ZNF133: variants seen among roughly 807,000 people sequenced by gnomAD.
ZNF133 encodes the protein zinc finger protein 133 (clone pHZ-13).
In ZNF133, 26 loss-of-function variants were observed where a neutral mutation model predicts 54.9. The ratio of observed to expected loss-of-function variants is 0.47; its 90% CI spans 0.35 to 0.66. The LOEUF is 0.66. Ranked by LOEUF, ZNF133 falls within the 30% of genes least tolerant of loss-of-function variation. ZNF133 has a pLI of 0.01. For synonymous variants in ZNF133, 298 were observed against 320.3 expected (o/e 0.93, Z 0.74); for missense variants, 653 against 820.8 (o/e 0.80, Z 2.50).
rs115225852 is a variant in ZNF133, at chr20:18,308,865, A to T, written c.217+2472A>T. Among the ~76,000 whole-genome samples the T allele has an allele frequency of 1.8e-3, 269 of 152,332 alleles. 1 individual carries two copies. The highest frequency in any genetic ancestry group is 6.3e-3 in the African/African-American group (264 of 41,576). On this transcript the variant is annotated intron_variant, in intron 6 of 6. Coordinates refer to ENST00000425686, the MANE Select transcript of ZNF133 (RefSeq NM_001352452.2). Reference sequence around the variant, plus strand: ...TTTACTACAGCAATAGGAAAGAAGGAAGGTCAGGGCAAAGGAAGTAAAGCA... The same window carrying T: ...TTTACTACAGCAATAGGAAAGAAGGTAGGTCAGGGCAAAGGAAGTAAAGCA...
rs535194806 is a variant in ZNF133 at position 18,306,530 on chromosome 20, C to T, written c.217+137C>T. The T allele has an allele frequency of 1.4e-4, 132 of 945,054 alleles. 1 individual carries two copies. The Middle Eastern group carries it at 2.7e-3, about 19-fold the overall frequency. The allele number at this position is 945,054 out of a possible 1,614,324, so 58.5% of individuals were successfully genotyped here. A position where few individuals can be genotyped will look rare whatever the true frequency, so the allele number is the denominator to read the frequency against. The stretch of plus-strand genomic sequence containing the variant: ...GGGCTGCTGTTTAGATTGCCTGACA[C>T]GGCCTCCCTTCCAGATCTCCATCTT... On this transcript the variant is annotated intron_variant, in intron 6 of 6. Coordinates refer to ENST00000425686, the MANE Select transcript of ZNF133 (RefSeq NM_001352452.2).
intron 3 of ZNF133, 133 bp from the exon 4 acceptor site, chr20:18,304,875 T>A: frequency 1.8e-6 from 1 of 556,440 alleles, no homozygotes; most frequent in Non-Finnish European, 2.3e-6. Context: ...TTGCTCATAA[T>A]GTCCTTGTCC....
chr20:18,302,659 T>C (rs191896655), intron 3 of ZNF133, among the ~76,000 whole-genome samples: 64 of 152,300 alleles, frequency 4.2e-4, no homozygotes, highest in African/African-American at 1.4e-3. Flanking sequence ...TTGCCACTTA[T>C]AGCCAACAGA....
chr20:18,306,145 C>G (rs2044534352), intron 5 of ZNF133, 153 bp from the exon 6 acceptor site: 1 of 673,922 alleles, frequency 1.5e-6, no homozygotes, highest in Non-Finnish European at 2.5e-6. Context: ...GTTCACTGCC[C>G]ACTCATCCCT....
chr20:18,311,672 G>A (rs946873677), intron 6 of ZNF133, among the ~76,000 whole-genome samples: 4 of 152,050 alleles, frequency 2.6e-5, no homozygotes, highest in African/African-American at 7.2e-5. Flanking sequence ...GTATAGTTTT[G>A]TTTTTGAATT....
At position 18,305,828 on chromosome 20, in the gene ZNF133, G is replaced by T; in HGVS notation, c.121+21G>T. 4 of 1,590,964 alleles carry T rather than the reference G, an allele frequency of 2.5e-6. No homozygotes were observed. The highest frequency in any genetic ancestry group is 2.3e-5 in the South Asian group (2 of 88,172). On this transcript the variant is annotated intron_variant, in intron 5 of 6. Coordinates refer to ENST00000425686, the MANE Select transcript of ZNF133 (RefSeq NM_001352452.2). The surrounding 1 kb of genome is among the most constrained non-coding windows in gnomAD (Gnocchi z 4.7). The stretch of plus-strand genomic sequence containing the variant: ...ACTGGGTAAGCCTGATATCTGTTAG[G>T]ATTCCCATTCTTATTGCTGGGAATT...
Position 18,315,730 on chromosome 20 carries a change from C to T in ZNF133, c.879C>T (p.Ser293=), listed in dbSNP as rs139345328. The T allele has an allele frequency of 3.4e-5, 55 of 1,613,678 alleles. No individual in the cohort carries two copies. In the Middle Eastern group the frequency reaches 9.9e-4, roughly 29 times the overall value. Reference sequence around the variant, plus strand: ...TAATCATACACGAACGGACACACTCCGGTGAGAAACCTTACATGTGCAGTG... The same window carrying T: ...TAATCATACACGAACGGACACACTCTGGTGAGAAACCTTACATGTGCAGTG... ...STLIIHERTH[S]GEKPYMCSEC... is the part of the protein sequence containing the mutation. The change falls in exon 7 of 7, where the codon TCC becomes TCT. Residue 293 remains serine, a synonymous_variant. Transcript: ENST00000425686.
Position 18,294,702 on chromosome 20 carries a change from G to A in ZNF133, c.-431-3283G>A, listed in dbSNP as rs570983924. 1.3e-3 allele frequency among the ~76,000 whole-genome samples: 191 copies of A among 152,276 alleles called. 5 individuals are homozygous for A. The South Asian group carries it at 0.039, about 31-fold the overall frequency. ...AGAAGGGGTGTTGAGTTTTGGTAAA[G>A]AGTATCTTACATGTAGAGAGGCAAT... On this transcript the variant is annotated intron_variant, in intron 1 of 6. Transcript: ENST00000425686.
In ZNF133 at chr20:18,288,716, CGG is replaced by C. The variant is rs1600289109; in HGVS notation, c.-432+116_-432+117del. ...GAATTTGGGGACCGTGCGGGTGGCG[CGG>C]GGGTGGTGATTGTGGTGGGAACGCG... On this transcript the variant is annotated intron_variant, in intron 1 of 6. Transcript: ENST00000425686. 14 of 398,172 alleles carry C rather than the reference CGG, an allele frequency of 3.5e-5. No homozygotes were observed. The East Asian group carries it at 5.0e-4, about 14-fold the overall frequency. 24.7% of individuals were successfully genotyped at this position (398,172 alleles called of 1,614,324 possible).
intron 1 of ZNF133, among the ~76,000 whole-genome samples, chr20:18,295,966 T>C (rs2042153363): frequency 6.6e-6 from 1 of 152,230 alleles, no homozygotes; most frequent in Admixed American, 6.5e-5. Context: ...TGTATATACG[T>C]AGTGTTTTTT....
At chr20:18,288,718 G>T in intron 1 of ZNF133, 114 bp downstream of exon 1, 1 of 398,228 alleles carries the variant, frequency 2.5e-6, no homozygotes, top group East Asian at 3.6e-5. Flanking sequence ...GGGTGGCGCG[G>T]GGGTGGTGAT....
intron 3 of ZNF133, among the ~76,000 whole-genome samples, chr20:18,300,971 C>T (rs898689414): frequency 3.3e-5 from 5 of 151,916 alleles, no homozygotes; most frequent in South Asian, 2.1e-4. Context: ...AGACATATTC[C>T]GAACATTGTA....
chr20:18,308,381 C>G (rs1460822480), intron 6 of ZNF133, among the ~76,000 whole-genome samples: 1 of 152,092 alleles, frequency 6.6e-6, no homozygotes, highest in Non-Finnish European at 1.5e-5. Flanking sequence ...TGCTTGTATC[C>G]TTACTGTTCA....
chr20:18,315,346 G>T lies in ZNF133; in HGVS notation c.495G>T (p.Ala165=). The T allele has an allele frequency of 6.2e-7, 1 of 1,614,110 alleles. No individual in the cohort carries two copies. The highest frequency in any genetic ancestry group is 8.5e-7 in the Non-Finnish European group (1 of 1,180,018). Reference sequence around the variant, plus strand: ...GAACCAAGAAAAGGACTCTGGGAGCGTTCTCCAGGCCACCCCAGAGGCAGC... The same window carrying T: ...GAACCAAGAAAAGGACTCTGGGAGCTTTCTCCAGGCCACCCCAGAGGCAGC... ...FGRTKKRTLG[A]FSRPPQRQPV... is the part of the protein sequence containing the mutation. The change falls in exon 7 of 7, where the codon GCG becomes GCT. Residue 165 remains alanine, a synonymous_variant. Transcript: ENST00000425686.
chr20:18,297,397 A>G (rs955997571), intron 1 of ZNF133, among the ~76,000 whole-genome samples: 3 of 151,492 alleles, frequency 2.0e-5, no homozygotes, highest in Non-Finnish European at 2.9e-5. Context: ...GTCCATTTCT[A>G]TTCTTAGTTT....
chr20:18,316,277 A>T lies in ZNF133; in HGVS notation c.1426A>T (p.Ser476Cys). 6.2e-7 allele frequency: 1 copy of T among 1,612,926 alleles called. No homozygotes were observed. Among genetic ancestry groups the T allele is most frequent in the Non-Finnish European group, 8.5e-7 (1 of 1,179,376 alleles). ...GTGCAAGGACTGTGGCCGGGGCTTCAGCCAGCAATCCAACCTCATCAGACA... is the reference window on the plus strand; with the variant it reads ...GTGCAAGGACTGTGGCCGGGGCTTCTGCCAGCAATCCAACCTCATCAGACA... ...IVCKDCGRGF[S>C]QQSNLIRHQR... Residue 476 changes from serine (S) to cysteine (C), a missense_variant, in exon 7 of 7, where the codon AGC (serine) becomes TGC (cysteine). Around this residue, in one of 4 missense-constraint regions of ZNF133, gnomAD observed 292 missense variants for 431.6 expected, o/e 0.68. Transcript: ENST00000425686.
intron 1 of ZNF133, among the ~76,000 whole-genome samples, chr20:18,294,211 C>T (rs939579543): frequency 1.3e-5 from 2 of 152,114 alleles, no homozygotes; most frequent in Non-Finnish European, 2.9e-5. Flanking sequence ...TGTTGAAGGA[C>T]ACAGCATCAC....
At chr20:18,295,598 T>C (rs962739874) in intron 1 of ZNF133, 1 of 152,232 alleles carries the variant, frequency 6.6e-6, no homozygotes, top group African/African-American at 2.4e-5. Context: ...AATTCCTGTC[T>C]TTGTGCTTTC....
At chr20:18,290,897 C>T (rs186449533) in intron 1 of ZNF133, among the ~76,000 whole-genome samples, 94 of 152,254 alleles carry the variant, frequency 6.2e-4, no homozygotes, top group Admixed American at 5.4e-3. Flanking sequence ...GGGGCCAGAG[C>T]GGGCAGATCA....
Sources: allele counts gnomAD v4.1 joint callset (sites outside exome capture counted in the v4.1 genomes callset), GRCh38; gene constraint gnomAD v4.1.1; regional missense constraint gnomAD v4.1.1; non-coding constraint Gnocchi (gnomAD v3.1); transcripts MANE v1.5; gene names NCBI Gene and HGNC (gene_info 2026-07-23, HGNC 2026-07-21).